The following KIF2A variants were observed in gnomAD, a reference collection of about 807,000 sequenced individuals.
The protein encoded by KIF2A is kinesin-like protein KIF2A.
In KIF2A, 22 loss-of-function variants were observed where a neutral mutation model predicts 100.2. The observed-to-expected ratio is 0.22, with a 90% confidence interval of 0.16 to 0.31. The LOEUF is 0.31. KIF2A is among the 10% of genes least tolerant of loss of function. The pLI, the probability that KIF2A is intolerant of heterozygous loss-of-function variation, is 1.00. For missense variants in KIF2A, 495 were observed against 898.7 expected (o/e 0.55, Z 5.74); for synonymous variants, 268 against 285.9 (o/e 0.94, Z 0.63).
rs760247324 is a variant in KIF2A at position 62,306,458 on chromosome 5, G to C, written c.-15G>C. ...CCCCCTCCCTCGGCCCGCTGCTGCTGCTCCAGATGAGGTGATGGCAACGGC... is the reference window on the plus strand; with the variant it reads ...CCCCCTCCCTCGGCCCGCTGCTGCTCCTCCAGATGAGGTGATGGCAACGGC... On this transcript the variant is annotated 5_prime_UTR_variant, in exon 1 of 21. Coordinates refer to ENST00000407818, the MANE Select transcript of KIF2A (RefSeq NM_001098511.3). The C allele has an allele frequency of 6.5e-7, 1 of 1,541,214 alleles. No individual in the cohort carries two copies.
chr5:62,355,629 A>T (rs950248385), intron 7 of KIF2A, among the ~76,000 whole-genome samples: 6 of 152,066 alleles, frequency 3.9e-5, no homozygotes, highest in Admixed American at 3.9e-4. Context: ...ATCATTTCTA[A>T]TTTACTATTG....
intron 19 of KIF2A, among the ~76,000 whole-genome samples, chr5:62,379,944 T>G (rs1046893426): frequency 1.3e-5 from 2 of 152,154 alleles, no homozygotes; most frequent in African/African-American, 4.8e-5. Context: ...CAGGCTGGAG[T>G]GCAATGGCGC....
In KIF2A at chr5:62,389,055, G is replaced by GA. The variant is rs35130331; in HGVS notation, c.*3492dup. 1 of 1,609,716 alleles carries GA rather than the reference G, an allele frequency of 6.2e-7. No homozygotes were observed. Among genetic ancestry groups the GA allele is most frequent in the East Asian group, 2.2e-5 (1 of 44,810 alleles). On this transcript the variant is annotated 3_prime_UTR_variant, in exon 21 of 21. Transcript: ENST00000407818. ...CTGCGTTGAATCCATGTAGCAATCT[G>GA]AAAAAAGAAATCAAAATGGAATGGT...
rs1427585380 is a variant in KIF2A at position 62,390,858 on chromosome 5, A to G, written c.*5289A>G. On this transcript the variant is annotated 3_prime_UTR_variant, in exon 21 of 21. Transcript: ENST00000407818. ...AGTAAAGAAATGTAAACACTTAGGA[A>G]AACAAAAATGTAATTACCTGATGAA... 1 of 1,605,138 alleles carries G rather than the reference A, an allele frequency of 6.2e-7. No individual in the cohort carries two copies. The highest frequency in any genetic ancestry group is 8.5e-7 in the Non-Finnish European group (1 of 1,173,784).
At position 62,373,955 on chromosome 5, in the gene KIF2A, G is replaced by A. The variant is rs188937051; in HGVS notation, c.1911+118G>A. 67 of 797,848 alleles carry A rather than the reference G, an allele frequency of 8.4e-5. 1 individual carries two copies. The East Asian group carries it at 1.3e-3, about 15-fold the overall frequency. The allele number at this position is 797,848 out of a possible 1,614,324, so 49.4% of individuals were successfully genotyped here. A position where few individuals can be genotyped will look rare whatever the true frequency, so the allele number is the denominator to read the frequency against. The stretch of plus-strand genomic sequence containing the variant: ...GCTGTGGGTGTGGTGGCTCAAGCTT[G>A]TAATCTCACCAATTTGGGAGGCTGA... On this transcript the variant is annotated intron_variant, in intron 18 of 20. Transcript: ENST00000407818.
At chr5:62,337,416 T>C (rs1481125469) in intron 1 of KIF2A, among the ~76,000 whole-genome samples, 2 of 151,598 alleles carry the variant, frequency 1.3e-5, no homozygotes, top group Non-Finnish European at 2.9e-5. Flanking sequence ...CACTTGAACC[T>C]GGGAGGCAGA....
intron 19 of KIF2A, among the ~76,000 whole-genome samples, chr5:62,380,790 A>AT: frequency 6.6e-6 from 1 of 152,178 alleles, no homozygotes; most frequent in Non-Finnish European, 1.5e-5. Context: ...CACATTGAGT[A>AT]GGCTGAGGAG....
At chr5:62,354,822 C>G (rs1159615433) in intron 6 of KIF2A, among the ~76,000 whole-genome samples, 1 of 152,094 alleles carries the variant, frequency 6.6e-6, no homozygotes, top group Admixed American at 6.5e-5. Flanking sequence ...AGCATTATTT[C>G]TCTGTTGCTG....
intron 1 of KIF2A, among the ~76,000 whole-genome samples, chr5:62,313,855 G>C (rs1745674965): frequency 6.6e-6 from 1 of 151,992 alleles, no homozygotes; most frequent in Non-Finnish European, 1.5e-5. Flanking sequence ...GCAGTGGCAT[G>C]ATCATAGCTC....
Position 62,377,364 on chromosome 5 carries a change from G to T in KIF2A, c.1912-297G>T, listed in dbSNP as rs574637588. The stretch of plus-strand genomic sequence containing the variant: ...TACAGCCTGCAATAACTGTATTTTT[G>T]AAAAGTTGGGCTGTTCCAAAAGAGA... On this transcript the variant is annotated intron_variant, in intron 18 of 20. Coordinates refer to ENST00000407818, the MANE Select transcript of KIF2A (RefSeq NM_001098511.3). Among the ~76,000 whole-genome samples, 15 of 152,246 alleles carry T rather than the reference G, an allele frequency of 9.9e-5. No homozygotes were observed. The South Asian group carries it at 2.9e-3, about 29-fold the overall frequency.
intron 1 of KIF2A, among the ~76,000 whole-genome samples, chr5:62,309,623 C>CT (rs1745466345): frequency 6.6e-6 from 1 of 152,160 alleles, no homozygotes; most frequent in Non-Finnish European, 1.5e-5. Flanking sequence ...ACACTAATAT[C>CT]TGAGACAGTA....
At chr5:62,353,737 A>G (rs1446247094) in intron 6 of KIF2A, among the ~76,000 whole-genome samples, 1 of 152,152 alleles carries the variant, frequency 6.6e-6, no homozygotes, top group Non-Finnish European at 1.5e-5. Context: ...TGATTAAACT[A>G]TAAATTTTAT....
chr5:62,323,825 C>T (rs932338444), intron 1 of KIF2A, among the ~76,000 whole-genome samples: 7 of 151,780 alleles, frequency 4.6e-5, no homozygotes, highest in African/African-American at 9.7e-5. Context: ...ATCGCCTGAG[C>T]CCAGAAGTTT....
chr5:62,314,428 C>T (rs9968586), intron 1 of KIF2A, among the ~76,000 whole-genome samples: 77,976 of 151,852 alleles, frequency 0.51, 20,933 homozygotes, highest in South Asian at 0.64. Context: ...CATGCCACTG[C>T]ACTCCAGCCT....
chr5:62,373,137 A>G (rs942740644), intron 17 of KIF2A, among the ~76,000 whole-genome samples: 3 of 152,096 alleles, frequency 2.0e-5, no homozygotes, highest in Non-Finnish European at 4.4e-5. Context: ...ATGAGTAAAC[A>G]CTTTTCAAAT....
chr5:62,388,922 A>G lies in KIF2A; in HGVS notation c.*3353A>G. 1.6e-6 allele frequency: 2 copies of G among 1,226,246 alleles called. No individual in the cohort carries two copies. Among genetic ancestry groups the G allele is most frequent in the Non-Finnish European group, 2.3e-6 (2 of 851,562 alleles). The allele number at this position is 1,226,246 out of a possible 1,614,324, so 76.0% of individuals were successfully genotyped here. A position where few individuals can be genotyped will look rare whatever the true frequency, so the allele number is the denominator to read the frequency against. ...AAAATAGTCAAGTAAATAATGTCTCAGTAAAGCAAAAGCATTATCTTCTCA... is the reference window on the plus strand; with the variant it reads ...AAAATAGTCAAGTAAATAATGTCTCGGTAAAGCAAAAGCATTATCTTCTCA... On this transcript the variant is annotated 3_prime_UTR_variant, in exon 21 of 21. Coordinates refer to ENST00000407818, the MANE Select transcript of KIF2A (RefSeq NM_001098511.3).
Position 62,330,719 on chromosome 5 carries a change from A to G in KIF2A, c.65-16411A>G, listed in dbSNP as rs180985093. 1.5e-3 allele frequency among the ~76,000 whole-genome samples: 233 copies of G among 152,300 alleles called. 1 individual carries two copies. Among genetic ancestry groups the G allele is most frequent in the African/African-American group, 5.4e-3 (226 of 41,572 alleles). ...TTTATTAGCATATGTTTAAAAGTCTATTAAAAATGCTTTTAAATTATTTGG... is the reference window on the plus strand; with the variant it reads ...TTTATTAGCATATGTTTAAAAGTCTGTTAAAAATGCTTTTAAATTATTTGG... On this transcript the variant is annotated intron_variant, in intron 1 of 20. Transcript: ENST00000407818.
chr5:62,359,457 TA>T (rs11345898), intron 9 of KIF2A, among the ~76,000 whole-genome samples: 29,255 of 146,186 alleles, frequency 0.2, 2,967 homozygotes, highest in East Asian at 0.36. Flanking sequence ...TAGTCAGTTG[TA>T]AAAAAAAAAA....
intron 1 of KIF2A, among the ~76,000 whole-genome samples, chr5:62,332,016 C>G (rs1432976197): frequency 2.0e-5 from 3 of 152,116 alleles, no homozygotes; most frequent in Admixed American, 2.0e-4. Context: ...CCTCCATTTG[C>G]AACCAAATTA....
Sources: gnomAD v4.1 joint callset for allele counts (sites outside exome capture counted in the v4.1 genomes callset) on GRCh38, gnomAD v4.1.1 for gene constraint, MANE v1.5 for transcripts, NCBI Gene and HGNC (gene_info 2026-07-23, HGNC 2026-07-21) for gene names.